VWA8: variants seen among roughly 807,000 people sequenced by gnomAD.
VWA8 encodes the protein von Willebrand factor A domain containing 8.
In VWA8, 221 loss-of-function variants were observed where a neutral mutation model predicts 241.5. The observed-to-expected ratio is 0.91, with a 90% CI of 0.82 to 1.02. The LOEUF is 1.02. Ranked by LOEUF, VWA8 falls within the 50% of genes least tolerant of loss-of-function variation. The probability of loss-of-function intolerance (pLI) is 0.00; values close to 1 mark genes in which losing one functional copy is unlikely to be tolerated. For synonymous variants in VWA8, 852 were observed against 827.1 expected (o/e 1.03, Z -0.52); for missense variants, 2,322 against 2,328.7 (o/e 1.00, Z 0.06).
At chr13:41,934,985 G>A (rs1411745410) in intron 2 of VWA8, among the ~76,000 whole-genome samples, 2 of 151,768 alleles carry the variant, frequency 1.3e-5, no homozygotes, top group African/African-American at 2.4e-5. Context: ...GACAATTTTG[G>A]TTTTATCTTT....
intron 37 of VWA8, among the ~76,000 whole-genome samples, chr13:41,630,494 T>C (rs2044719677): frequency 6.6e-6 from 1 of 152,108 alleles, no homozygotes; most frequent in Non-Finnish European, 1.5e-5. Context: ...AGTGATATGC[T>C]TGATAAACAT....
intron 26 of VWA8, 50 bp downstream of exon 26, chr13:41,719,541 T>TC: frequency 6.2e-7 from 1 of 1,606,268 alleles, no homozygotes; most frequent in South Asian, 1.1e-5. Flanking sequence ...GAATGATAAA[T>TC]CAAGAACTAT....
chr13:41,799,519 C>A (rs74389706), intron 17 of VWA8, among the ~76,000 whole-genome samples: 1 of 152,126 alleles, frequency 6.6e-6, no homozygotes, highest in South Asian at 2.1e-4. Context: ...TGTGGGCAAA[C>A]ATTTTTTAGT....
At chr13:41,867,004 G>A (rs1006047132) in intron 10 of VWA8, among the ~76,000 whole-genome samples, 7 of 152,004 alleles carry the variant, frequency 4.6e-5, no homozygotes, top group African/African-American at 1.7e-4. Context: ...TATACCACAC[G>A]AACCAAAGAA....
chr13:41,949,657 A>G (rs2138163918), intron 2 of VWA8, among the ~76,000 whole-genome samples: 1 of 152,300 alleles, frequency 6.6e-6, no homozygotes, highest in South Asian at 2.1e-4. Flanking sequence ...CATTATATGT[A>G]AATCTTATTC....
rs190061803 is a variant in VWA8 at position 41,725,424 on chromosome 13, G to A, written c.2758+1770C>T. On this transcript the variant is annotated intron_variant, in intron 24 of 44. Transcript: ENST00000379310. ...AACGGAAATTACAGAAGTGTCAGTC[G>A]TAGAAACTAGCCATGAATGTCTAAG... 6.6e-5 allele frequency among the ~76,000 whole-genome samples: 10 copies of A among 152,246 alleles called. No individual in the cohort carries two copies. The East Asian group carries it at 1.4e-3, about 21-fold the overall frequency.
intron 29 of VWA8, among the ~76,000 whole-genome samples, chr13:41,694,808 A>T (rs1408732865): frequency 6.6e-6 from 1 of 152,164 alleles, no homozygotes; most frequent in Non-Finnish European, 1.5e-5. Flanking sequence ...GCAGAAAAAG[A>T]AGTTAGTATC....
chr13:41,669,701 A>G (rs2045009464), intron 37 of VWA8, among the ~76,000 whole-genome samples: 1 of 152,216 alleles, frequency 6.6e-6, no homozygotes, highest in South Asian at 2.1e-4. Context: ...CAAACACAAT[A>G]GTATTTACTA....
At chr13:41,882,220 G>C (rs1874262203) in intron 9 of VWA8, among the ~76,000 whole-genome samples, 1 of 151,520 alleles carries the variant, frequency 6.6e-6, no homozygotes, top group African/African-American at 2.4e-5. Context: ...GCCGGGCAGA[G>C]ACGCTCCTCA....
intron 2 of VWA8, among the ~76,000 whole-genome samples, chr13:41,919,420 C>T (rs1169346188): frequency 2.0e-5 from 3 of 152,160 alleles, no homozygotes; most frequent in South Asian, 2.1e-4. Flanking sequence ...GAGAACAAAC[C>T]GACACTGTGC....
chr13:41,955,686 C>T (rs1354924930), intron 1 of VWA8: 1 of 152,194 alleles, frequency 6.6e-6, no homozygotes, highest in Non-Finnish European at 1.5e-5. Context: ...TTGTTAAATT[C>T]AACCAAATTT....
At chr13:41,719,772 C>G in intron 25 of VWA8, 30 bp from the exon 26 acceptor site, 3 of 1,582,990 alleles carry the variant, frequency 1.9e-6, no homozygotes, top group Non-Finnish European at 2.6e-6. Flanking sequence ...CCTTATTATG[C>G]ATGTGATAAA....
intron 21 of VWA8, among the ~76,000 whole-genome samples, chr13:41,736,814 A>G (rs1566435029): frequency 6.6e-6 from 1 of 151,640 alleles, no homozygotes; most frequent in Non-Finnish European, 1.5e-5. Context: ...GACAGCACTG[A>G]AAAAATGTTT....
At chr13:41,725,397 G>C (rs1478678598) in intron 24 of VWA8, among the ~76,000 whole-genome samples, 1 of 152,134 alleles carries the variant, frequency 6.6e-6, no homozygotes, top group African/African-American at 2.4e-5. Flanking sequence ...GACAGAATAT[G>C]AAACGGAAAT....
chr13:41,666,288 T>C (rs2044985406), intron 37 of VWA8, among the ~76,000 whole-genome samples: 1 of 152,146 alleles, frequency 6.6e-6, no homozygotes, highest in Non-Finnish European at 1.5e-5. Context: ...TATGGCCAAT[T>C]GGTTACTGGG....
rs557891029 is a variant in VWA8, at chr13:41,630,740, G to GA, written c.4612-15657dup. 9.0e-4 allele frequency among the ~76,000 whole-genome samples: 136 copies of GA among 151,594 alleles called. 1 individual carries two copies. In the South Asian group the frequency reaches 0.014, roughly 16 times the overall value. On this transcript the variant is annotated intron_variant, in intron 37 of 44. Coordinates refer to ENST00000379310, the MANE Select transcript of VWA8 (RefSeq NM_015058.2). ...ATTTTACAGACTTGGGATAAAAGGAGAAAAAAAAGTTTATTAATATTTTAC... is the reference window on the plus strand; with the variant it reads ...ATTTTACAGACTTGGGATAAAAGGAGAAAAAAAAAGTTTATTAATATTTTAC...
At chr13:41,692,998 G>T in intron 29 of VWA8, 26 bp from the exon 30 acceptor site, 7 of 1,333,286 alleles carry the variant, frequency 5.3e-6, no homozygotes, top group South Asian at 1.3e-5. Flanking sequence ...ACAGTGAAAA[G>T]CTCAAGATTT....
At chr13:41,575,693 A>G (rs1381922945) in intron 43 of VWA8, 47 bp downstream of exon 43, 1 of 1,414,454 alleles carries the variant, frequency 7.1e-7, no homozygotes, top group Non-Finnish European at 9.9e-7. Flanking sequence ...GTCTTTACCT[A>G]ACCTGATAGA....
intron 4 of VWA8, chr13:41,905,302 C>T (rs1011982215): frequency 6.6e-6 from 1 of 151,692 alleles, no homozygotes; most frequent in African/African-American, 2.4e-5. Context: ...AACCTCTTGG[C>T]TACAAGAGAG....
Sources: allele counts gnomAD v4.1 joint callset (sites outside exome capture counted in the v4.1 genomes callset), GRCh38; gene constraint gnomAD v4.1.1; transcripts MANE v1.5; gene names NCBI Gene and HGNC (gene_info 2026-07-23, HGNC 2026-07-21).